The following RANBP17 variants were observed in gnomAD, a reference collection of about 807,000 sequenced individuals.
The protein encoded by RANBP17 is RAN binding protein 17, also known as ran-binding protein 17.
A neutral mutation model predicts 141.2 loss-of-function variants in RANBP17; 158 were observed. That is an observed-to-expected ratio of 1.12 (90% CI 0.98 to 1.28). RANBP17 has a LOEUF of 1.28. Ranked by LOEUF, RANBP17 falls within the 50% of genes most tolerant of loss-of-function variation. The pLI is 0.00. For synonymous variants in RANBP17, 430 were observed against 450.0 expected, an observed-to-expected ratio of 0.96 and a Z score of 0.56; for missense variants, 1,438 against 1,290.7, an observed-to-expected ratio of 1.11 and a Z score of -1.75.
intron 24 of RANBP17, among the ~76,000 whole-genome samples, chr5:171,262,717 TGC>T (rs1413102744): frequency 1.3e-5 from 2 of 152,174 alleles, no homozygotes; most frequent in Non-Finnish European, 2.9e-5. Context: ...ACCTTATTAG[TGC>T]TACAGAACAC....
chr5:171,144,338 G>T (rs1757899699), intron 14 of RANBP17, among the ~76,000 whole-genome samples: 5 of 151,864 alleles, frequency 3.3e-5, no homozygotes. Flanking sequence ...TGCCCTTACA[G>T]CCTGGGTGAC....
intron 18 of RANBP17, among the ~76,000 whole-genome samples, chr5:171,186,807 G>C (rs368374313): frequency 6.6e-6 from 1 of 152,156 alleles, no homozygotes; most frequent in East Asian, 1.9e-4. Context: ...ACACTGGTAT[G>C]ATTTTCTATA....
intron 1 of RANBP17, among the ~76,000 whole-genome samples, chr5:170,873,996 C>T (rs1043593736): frequency 6.6e-6 from 1 of 152,048 alleles, no homozygotes; most frequent in Admixed American, 6.6e-5. Context: ...TATAAATTTC[C>T]CTCTTAATGC....
chr5:170,959,197 T>C (rs956454129), intron 13 of RANBP17, among the ~76,000 whole-genome samples: 2 of 152,172 alleles, frequency 1.3e-5, no homozygotes. Context: ...TCATCCCTCA[T>C]TATCAAGACT....
At position 170,878,209 on chromosome 5, in the gene RANBP17, T is replaced by G; in HGVS notation, c.131T>G (p.Leu44Arg). 1 of 1,609,472 alleles carries G rather than the reference T, an allele frequency of 6.2e-7. No individual in the cohort carries two copies. The highest frequency in any genetic ancestry group is 8.5e-7 in the Non-Finnish European group (1 of 1,178,460). The stretch of plus-strand genomic sequence containing the variant: ...GAACTTATTGACAGTCCAGAATGTC[T>G]CAGCAAGTGTCAACTTTTATTAGAA... ...LLELIDSPEC[L>R]SKCQLLLEQG... Residue 44 changes from leucine (L) to arginine (R), a missense_variant, in exon 2 of 28, where the codon CTC becomes CGC. Transcript: ENST00000523189.
intron 14 of RANBP17, among the ~76,000 whole-genome samples, chr5:171,064,456 A>G (rs552520314): frequency 1.3e-5 from 2 of 152,304 alleles, no homozygotes; most frequent in Admixed American, 6.5e-5. Flanking sequence ...GCATTTTTAT[A>G]TCTCCTTTGA....
At chr5:171,089,043 G>A (rs549041321) in intron 14 of RANBP17, among the ~76,000 whole-genome samples, 8 of 151,542 alleles carry the variant, frequency 5.3e-5, no homozygotes, top group African/African-American at 1.5e-4. Flanking sequence ...GGTGCTCTGC[G>A]TTTTAGAGTT....
intron 20 of RANBP17, among the ~76,000 whole-genome samples, chr5:171,210,044 T>C (rs568218889): frequency 4.6e-5 from 7 of 152,350 alleles, no homozygotes; most frequent in Admixed American, 2.0e-4. Flanking sequence ...TGTAAGGCAG[T>C]GTCACATCAT....
At chr5:171,277,425 C>G (rs544684937) in intron 25 of RANBP17, among the ~76,000 whole-genome samples, 57 of 151,546 alleles carry the variant, frequency 3.8e-4, no homozygotes, top group Non-Finnish European at 7.8e-4. Flanking sequence ...AACCTTCATA[C>G]ATCCTTCTTG....
At chr5:171,006,868 T>C (rs1581378946) in intron 14 of RANBP17, among the ~76,000 whole-genome samples, 1 of 152,288 alleles carries the variant, frequency 6.6e-6, no homozygotes, top group East Asian at 1.9e-4. Context: ...GTTGGGTATT[T>C]TCTTTAAGTT....
intron 14 of RANBP17, among the ~76,000 whole-genome samples, chr5:171,162,260 A>G (rs1759405592): frequency 6.6e-6 from 1 of 152,176 alleles, no homozygotes. Context: ...ACAGGAGCAA[A>G]GCTGTGTCAG....
chr5:171,176,317 T>C (rs990939856), intron 16 of RANBP17, among the ~76,000 whole-genome samples: 1 of 152,176 alleles, frequency 6.6e-6, no homozygotes, highest in Admixed American at 6.6e-5. Context: ...GTCTTTCTTT[T>C]GCTTGCTTGT....
chr5:171,205,627 C>T lies in RANBP17; in HGVS notation c.2231+15C>T, dbSNP rs748424144. 6.3e-7 allele frequency: 1 copy of T among 1,595,184 alleles called. No homozygotes were observed. The highest frequency in any genetic ancestry group is 1.7e-5 in the Admixed American group (1 of 59,900). On this transcript the variant is annotated intron_variant, in intron 20 of 27. Coordinates refer to ENST00000523189, the MANE Select transcript of RANBP17 (RefSeq NM_022897.5). ...TTTGACTGGATGTATCCTTATTACA[C>T]TGTGACAATACCAGCTCTGTGCACA...
chr5:170,995,235 T>C (rs935656328), intron 14 of RANBP17, among the ~76,000 whole-genome samples: 5 of 152,122 alleles, frequency 3.3e-5, no homozygotes, highest in African/African-American at 9.6e-5. Flanking sequence ...ATCTTGACAT[T>C]TATGGCCAAG....
intron 27 of RANBP17, among the ~76,000 whole-genome samples, chr5:171,297,166 A>G (rs1458722635): frequency 1.3e-5 from 2 of 152,188 alleles, no homozygotes; most frequent in African/African-American, 2.4e-5. Flanking sequence ...TCAGTTGCCA[A>G]TGAGATCTAA....
At chr5:170,901,512 C>A (rs987352236) in intron 5 of RANBP17, among the ~76,000 whole-genome samples, 1 of 152,146 alleles carries the variant, frequency 6.6e-6, no homozygotes, top group Non-Finnish European at 1.5e-5. Flanking sequence ...GGCATTTAGC[C>A]CATTTACATT....
In RANBP17 at chr5:171,299,676, T is replaced by C. The variant is rs1769018841; in HGVS notation, c.*818T>C. 3 of 228,532 alleles carry C rather than the reference T, an allele frequency of 1.3e-5. No homozygotes were observed. Among genetic ancestry groups the C allele is most frequent in the Non-Finnish European group, 2.6e-5 (3 of 115,180 alleles). 14.2% of individuals were successfully genotyped at this position (228,532 alleles called of 1,614,324 possible). A position where few individuals can be genotyped will look rare whatever the true frequency, so the allele number is the denominator to read the frequency against. ...TAATATTTGAAGCAGCTCTGCCTTC[T>C]TAGGGCTACCCAAAACAGTTCTAGG... On this transcript the variant is annotated 3_prime_UTR_variant, in exon 28 of 28. Transcript: ENST00000523189.
chr5:171,159,748 C>T (rs187442285), intron 14 of RANBP17, among the ~76,000 whole-genome samples: 37 of 151,624 alleles, frequency 2.4e-4, no homozygotes, highest in Admixed American at 5.3e-4. Context: ...GGTGAATCCT[C>T]GTCTCTACTA....
intron 14 of RANBP17, among the ~76,000 whole-genome samples, chr5:171,067,830 C>T (rs1287173938): frequency 6.6e-6 from 1 of 152,054 alleles, no homozygotes; most frequent in African/African-American, 2.4e-5. Flanking sequence ...TTTATTTCAG[C>T]AGTTTCTTTA....
Sources: gnomAD v4.1 joint callset for allele counts (sites outside exome capture counted in the v4.1 genomes callset) on GRCh38, gnomAD v4.1.1 for gene constraint, MANE v1.5 for transcripts, NCBI Gene and HGNC (gene_info 2026-07-23, HGNC 2026-07-21) for gene names.